The following ESRRG variants were observed in gnomAD, a reference collection of about 807,000 sequenced individuals.
ESRRG encodes estrogen related receptor gamma.
In ESRRG, 13 loss-of-function variants were observed where a neutral mutation model predicts 44.0. The observed-to-expected ratio is 0.30, with a 90% confidence interval of 0.19 to 0.47. The LOEUF is 0.47. Ranked by LOEUF, ESRRG falls within the 20% of genes least tolerant of loss-of-function variation. ESRRG has a pLI of 1.00. For synonymous variants in ESRRG, 215 were observed against 214.6 expected (o/e 1.00, Z -0.02); for missense variants, 395 against 580.6 (o/e 0.68, Z 3.29).
chr1:216,702,578 C>G (rs2081577283), intron 1 of ESRRG, among the ~76,000 whole-genome samples: 2 of 136,426 alleles, frequency 1.5e-5, no homozygotes, highest in Non-Finnish European at 3.1e-5. Flanking sequence ...GCCTGGCCAA[C>G]ATGGCAAAAC....
chr1:216,705,031 G>A (rs1242747704), intron 1 of ESRRG, among the ~76,000 whole-genome samples: 1 of 152,090 alleles, frequency 6.6e-6, no homozygotes, highest in Non-Finnish European at 1.5e-5. Flanking sequence ...AAAATAGTAT[G>A]TTTAAACTTT....
chr1:216,934,395 C>G (rs2063805501), intron 2 of ESRRG, among the ~76,000 whole-genome samples: 1 of 152,202 alleles, frequency 6.6e-6, no homozygotes, highest in African/African-American at 2.4e-5. Flanking sequence ...GATCACTCCA[C>G]TCCTCTCCAG....
intron 3 of ESRRG, among the ~76,000 whole-genome samples, chr1:216,605,333 A>C (rs1394185597): frequency 1.8e-4 from 27 of 152,206 alleles, no homozygotes; most frequent in Admixed American, 1.8e-3. Flanking sequence ...AATATGAGAA[A>C]ACTAGACATA....
chr1:216,570,820 T>C (rs1037103985), intron 3 of ESRRG, among the ~76,000 whole-genome samples: 7 of 152,178 alleles, frequency 4.6e-5, no homozygotes, highest in African/African-American at 1.7e-4. Flanking sequence ...ACAGAATAAA[T>C]CTTGACTGAG....
At chr1:216,984,380 G>A (rs973701350) in intron 1 of ESRRG, among the ~76,000 whole-genome samples, 2 of 152,112 alleles carry the variant, frequency 1.3e-5, no homozygotes, top group South Asian at 4.1e-4. Context: ...ACATAAAAGG[G>A]TATTTTGGCA....
chr1:216,645,345 T>C (rs757443329), intron 3 of ESRRG, among the ~76,000 whole-genome samples: 2 of 152,136 alleles, frequency 1.3e-5, no homozygotes, highest in African/African-American at 4.8e-5. Flanking sequence ...ATCATCATCA[T>C]CATCATCATC....
chr1:216,682,737 T>TGC (rs1169524231), intron 1 of ESRRG, among the ~76,000 whole-genome samples: 2 of 151,962 alleles, frequency 1.3e-5, no homozygotes, highest in Non-Finnish European at 2.9e-5. Context: ...TGTGTGTGTG[T>TGC]GTGTTTTATG....
intron 2 of ESRRG, among the ~76,000 whole-genome samples, chr1:216,887,777 A>C (rs1410942104): frequency 6.6e-6 from 1 of 152,318 alleles, no homozygotes; most frequent in Non-Finnish European, 1.5e-5. Context: ...GATATACCTA[A>C]ATGCATTCAT....
At chr1:216,743,090 A>G (rs1299186625) in intron 2 of ESRRG, among the ~76,000 whole-genome samples, 2 of 152,340 alleles carry the variant, frequency 1.3e-5, no homozygotes, top group East Asian at 3.9e-4. Flanking sequence ...GTGTCTCACC[A>G]TGATAGTCAT....
At chr1:216,582,838 G>A (rs1287165669) in intron 3 of ESRRG, among the ~76,000 whole-genome samples, 2 of 152,150 alleles carry the variant, frequency 1.3e-5, no homozygotes, top group African/African-American at 4.8e-5. Context: ...AGATGAAAAG[G>A]ATCCTAAATG....
chr1:217,100,994 A>C (rs562168957), intron 1 of ESRRG, among the ~76,000 whole-genome samples: 1 of 152,304 alleles, frequency 6.6e-6, no homozygotes, highest in African/African-American at 2.4e-5. Context: ...TCATTCACTG[A>C]CATAGCATCT....
chr1:216,984,361 G>T (rs894335229), intron 1 of ESRRG, among the ~76,000 whole-genome samples: 6 of 152,086 alleles, frequency 3.9e-5, no homozygotes, highest in African/African-American at 1.2e-4. Flanking sequence ...ATGCAAAATA[G>T]CTCCCTAAAC....
intron 2 of ESRRG, among the ~76,000 whole-genome samples, chr1:216,883,745 G>A (rs377272457): frequency 1.3e-5 from 2 of 152,264 alleles, no homozygotes; most frequent in South Asian, 2.1e-4. Flanking sequence ...AGATTCAGGG[G>A]CATGCCTGTA....
chr1:216,622,166 A>G (rs1184245083), intron 3 of ESRRG, among the ~76,000 whole-genome samples: 3 of 152,198 alleles, frequency 2.0e-5, no homozygotes, highest in Non-Finnish European at 4.4e-5. Context: ...GATACTTACT[A>G]TATCAGGAAA....
chr1:217,090,113 A>G (rs2092309516), upstream of ESRRG, among the ~76,000 whole-genome samples: 1 of 151,982 alleles, frequency 6.6e-6, no homozygotes, highest in African/African-American at 2.4e-5. Flanking sequence ...GTGTGTATAT[A>G]TGTGTGCATA....
chr1:216,985,940 A>T (rs2074789668), intron 1 of ESRRG: 2 of 152,192 alleles, frequency 1.3e-5, no homozygotes, highest in Admixed American at 1.3e-4. Flanking sequence ...ATAGGTAAAG[A>T]CCATGACAAC....
chr1:216,735,737 T>G (rs1286014189), intron 2 of ESRRG, among the ~76,000 whole-genome samples: 1 of 152,022 alleles, frequency 6.6e-6, no homozygotes, highest in African/African-American at 2.4e-5. Context: ...TCCCAGCACT[T>G]TGGGAGACCA....
At chr1:216,758,472 T>C (rs2092590203) in intron 2 of ESRRG, among the ~76,000 whole-genome samples, 1 of 152,064 alleles carries the variant, frequency 6.6e-6, no homozygotes, top group African/African-American at 2.4e-5. Flanking sequence ...CTCTGCTCAG[T>C]TCAGAGCAGG....
At chr1:216,598,664 T>C (rs2058767701) in intron 3 of ESRRG, among the ~76,000 whole-genome samples, 1 of 152,144 alleles carries the variant, frequency 6.6e-6, no homozygotes, top group Non-Finnish European at 1.5e-5. Context: ...CATGCTGTGC[T>C]CTCACAGCAA....
Sources: allele counts gnomAD v4.1 joint callset (sites outside exome capture counted in the v4.1 genomes callset), GRCh38; gene constraint gnomAD v4.1.1; transcripts MANE v1.5; gene names NCBI Gene and HGNC (gene_info 2026-07-23, HGNC 2026-07-21).